LAMC3: variants seen among roughly 807,000 people sequenced by gnomAD.
The protein encoded by LAMC3 is laminin subunit gamma 3.
In LAMC3, 128 loss-of-function variants were observed where a neutral mutation model predicts 173.8. The ratio of observed to expected loss-of-function variants is 0.74; its 90% CI spans 0.64 to 0.85. The LOEUF (loss-of-function observed/expected upper bound fraction) is 0.85, where lower values mean the gene tolerates loss of function less well. Among genes scored for constraint, LAMC3 ranks in the 40% least tolerant of loss-of-function variants. The probability of loss-of-function intolerance (pLI) is 0.00; values close to 1 mark genes in which losing one functional copy is unlikely to be tolerated. For missense variants in LAMC3, 2,022 were observed against 2,156.0 expected (o/e 0.94, Z 1.23); for synonymous variants, 897 against 909.1 (o/e 0.99, Z 0.24).
intron 1 of LAMC3, among the ~76,000 whole-genome samples, chr9:131,022,215 A>AAC (rs56948132): frequency 0.066 from 9,490 of 144,712 alleles, 328 homozygotes; most frequent in African/African-American, 0.075. Flanking sequence ...TGTGGATGAA[A>AAC]ACACACACAC....
At chr9:131,064,936 G>A (rs1031025294) in intron 13 of LAMC3, among the ~76,000 whole-genome samples, 15 of 151,278 alleles carry the variant, frequency 9.9e-5, no homozygotes, top group African/African-American at 3.7e-4. Context: ...AGATACTCGC[G>A]AGGCTGAAAC....
At chr9:131,084,896 C>G (rs1368028988) in intron 24 of LAMC3, among the ~76,000 whole-genome samples, 1 of 149,750 alleles carries the variant, frequency 6.7e-6, no homozygotes, top group Non-Finnish European at 1.5e-5. Flanking sequence ...GAGACCTTGT[C>G]TCACTGCACT....
At chr9:131,020,603 T>G (rs188731754) in intron 1 of LAMC3, among the ~76,000 whole-genome samples, 221 of 152,336 alleles carry the variant, frequency 1.5e-3, no homozygotes, top group African/African-American at 5.0e-3. Flanking sequence ...AAAACATGAC[T>G]GAGACATGAC....
chr9:131,046,180 CTTTTTTTT>C (rs61108655), intron 8 of LAMC3, among the ~76,000 whole-genome samples: 1,035 of 76,568 alleles, frequency 0.014, 8 homozygotes, highest in Middle Eastern at 0.026. Flanking sequence ...AGTTTTGCTC[CTTTTTTTT>C]TTTTTTTTTT....
chr9:131,053,370 C>T (rs535127830), intron 11 of LAMC3, among the ~76,000 whole-genome samples: 3 of 152,224 alleles, frequency 2.0e-5, no homozygotes, highest in Admixed American at 6.5e-5. Context: ...TGGTCACTGG[C>T]GGTATTGTAC....
chr9:131,048,476 G>A (rs1834218166), intron 8 of LAMC3, among the ~76,000 whole-genome samples: 1 of 152,090 alleles, frequency 6.6e-6, no homozygotes, highest in African/African-American at 2.4e-5. Context: ...CAGGTATTTG[G>A]CCTCTGCCTC....
chr9:131,052,890 C>G lies in LAMC3; in HGVS notation c.1864C>G (p.Pro622Ala), dbSNP rs1834323833. 2.5e-6 allele frequency: 4 copies of G among 1,613,948 alleles called. No homozygotes were observed. The highest frequency in any genetic ancestry group is 3.4e-6 in the Non-Finnish European group (4 of 1,180,026). Residue 622 changes from proline to alanine, a missense_variant, in exon 11 of 28, where the codon CCC becomes GCC. By Grantham distance (27) the Pro-to-Ala change is conservative. Transcript: ENST00000361069. ...CGAGGACGTGGCCCCTCCACTGCCCCCCTTCCACTTCCAGCGGCTCCTCGC... is the reference window on the plus strand; with the variant it reads ...CGAGGACGTGGCCCCTCCACTGCCCGCCTTCCACTTCCAGCGGCTCCTCGC... ...TSEDVAPPLP[P>A]FHFQRLLANL...
At chr9:131,048,872 C>A (rs1412438636) in intron 8 of LAMC3, 148 bp from the exon 9 acceptor site, 4 of 594,958 alleles carry the variant, frequency 6.7e-6, no homozygotes, top group Non-Finnish European at 9.1e-6. Flanking sequence ...CCAGGTCTGA[C>A]CATGCCCCCA....
intron 15 of LAMC3, among the ~76,000 whole-genome samples, chr9:131,068,584 G>T (rs1829983081): frequency 6.7e-6 from 1 of 149,752 alleles, no homozygotes; most frequent in Non-Finnish European, 1.5e-5. Flanking sequence ...GAAACACCAA[G>T]TGGAGCAAAC....
At chr9:131,014,951 G>C (rs1037460684) in intron 1 of LAMC3, among the ~76,000 whole-genome samples, 1 of 152,200 alleles carries the variant, frequency 6.6e-6, no homozygotes, top group Non-Finnish European at 1.5e-5. Flanking sequence ...ACTCCAGCCT[G>C]GGCAACAGAG....
chr9:131,062,877 T>TAA (rs760536917), intron 13 of LAMC3, among the ~76,000 whole-genome samples: 2 of 132,356 alleles, frequency 1.5e-5, no homozygotes, highest in African/African-American at 2.8e-5. Flanking sequence ...TCAAAAAAAT[T>TAA]AAAAAAAAAA....
intron 23 of LAMC3, among the ~76,000 whole-genome samples, chr9:131,081,149 G>A (rs897333170): frequency 3.3e-5 from 5 of 152,186 alleles, no homozygotes; most frequent in African/African-American, 1.2e-4. Context: ...ATGGAATCGT[G>A]TAATATGTGC....
intron 24 of LAMC3, among the ~76,000 whole-genome samples, chr9:131,082,714 TTC>T (rs1382379482): frequency 1.3e-5 from 2 of 152,244 alleles, no homozygotes; most frequent in African/African-American, 4.8e-5. Context: ...TGTGATGGGC[TTC>T]TGTGATACCC....
At position 131,032,141 on chromosome 9, in the gene LAMC3, T is replaced by C; in HGVS notation, c.775T>C (p.Tyr259His). The C allele has an allele frequency of 6.2e-7, 1 of 1,612,320 alleles. No homozygotes were observed. The highest frequency in any genetic ancestry group is 8.5e-7 in the Non-Finnish European group (1 of 1,179,208). ...GGACCCCAAGGTGCTCCAGTCCTAC[T>C]ATTATGCCGTGTCCGACTTCTCTGT... ...FKDPKVLQSY[Y>H]YAVSDFSVGG... The change falls in exon 3 of 28, where the codon TAT becomes CAT. Residue 259 changes from tyrosine (Y) to histidine (H), a missense_variant. Tyr to His is a moderately conservative substitution (Grantham distance 83). Coordinates refer to ENST00000361069, the MANE Select transcript of LAMC3 (RefSeq NM_006059.4).
Position 131,072,484 on chromosome 9 carries a change from G to T in LAMC3, c.3212-146G>T, listed in dbSNP as rs1235196547. The T allele has an allele frequency of 9.8e-6, 7 of 712,592 alleles. No individual in the cohort carries two copies. The Admixed American group carries it at 1.5e-4, about 15-fold the overall frequency. The allele number at this position is 712,592 out of a possible 1,614,324, so 44.1% of individuals were successfully genotyped here. On this transcript the variant is annotated intron_variant, in intron 18 of 27. Transcript: ENST00000361069. ...CCTCGGCCTGCACCTGGAAAATGGGGGTACTCTGCCTTTGGGACTACCTGT... is the reference window on the plus strand; with the variant it reads ...CCTCGGCCTGCACCTGGAAAATGGGTGTACTCTGCCTTTGGGACTACCTGT...
intron 3 of LAMC3, among the ~76,000 whole-genome samples, chr9:131,034,788 G>A (rs571904793): frequency 1.3e-5 from 2 of 152,212 alleles, no homozygotes; most frequent in Non-Finnish European, 1.5e-5. Context: ...GTCAGGCTCT[G>A]CCGAGCATGC....
At chr9:131,068,373 A>G (rs1486432159) in intron 15 of LAMC3, 142 bp downstream of exon 15, 12 of 847,530 alleles carry the variant, frequency 1.4e-5, no homozygotes, top group Non-Finnish European at 2.0e-5. Context: ...GCCGAAGGGG[A>G]GCAAAGGGAT....
rs367784109 is a variant in LAMC3, at chr9:131,087,787, G to A, written c.4447G>A (p.Glu1483Lys). The A allele has an allele frequency of 1.1e-5, 17 of 1,613,984 alleles. No individual in the cohort carries two copies. Among genetic ancestry groups the A allele is most frequent in the East Asian group, 2.2e-5 (1 of 44,896 alleles). The part of the protein sequence containing the change: ...ESRISLEKDI[E>K]TLSELLARLG... ...GCGTATCTCACTGGAGAAGGACATC[G>A]AGACCTTGTCAGAGCTGCTTGCCAG... The change falls in exon 27 of 28, where the codon GAG becomes AAG. Residue 1483 changes from glutamate to lysine, a missense_variant. Coordinates refer to ENST00000361069, the MANE Select transcript of LAMC3 (RefSeq NM_006059.4).
At chr9:131,072,895 G>A (rs1327283373) in intron 19 of LAMC3, 60 bp downstream of exon 19, 1 of 1,495,984 alleles carries the variant, frequency 6.7e-7, no homozygotes, top group Non-Finnish European at 9.2e-7. Context: ...CCCTGCCCCA[G>A]CCCTCCCATT....
Sources: gnomAD v4.1 joint callset for allele counts (sites outside exome capture counted in the v4.1 genomes callset) on GRCh38, gnomAD v4.1.1 for gene constraint, MANE v1.5 for transcripts, NCBI Gene and HGNC (gene_info 2026-07-23, HGNC 2026-07-21) for gene names.